The following BEGAIN variants were observed in gnomAD, a reference collection of about 807,000 sequenced individuals.
BEGAIN encodes the protein brain-enriched guanylate kinase-associated protein.
In BEGAIN, 19 loss-of-function variants were observed where a neutral mutation model predicts 35.8. That is an observed-to-expected ratio of 0.53 (90% CI 0.37 to 0.78). The LOEUF (loss-of-function observed/expected upper bound fraction) is 0.78. Ranked by LOEUF, BEGAIN falls within the 30% of genes least tolerant of loss-of-function variation. The pLI is 0.00. For missense variants in BEGAIN, 795 were observed against 853.6 expected (o/e 0.93, Z 0.85); for synonymous variants, 462 against 388.6 (o/e 1.19, Z -2.22).
chr14:100,569,007 C>T (rs993146100), intron 1 of BEGAIN: 1 of 937,324 alleles, frequency 1.1e-6, no homozygotes. Context: ...CCTCCCCCAC[C>T]GCCCCGCCGG....
chr14:100,581,487 G>C (rs928774301), intron 1 of BEGAIN, among the ~76,000 whole-genome samples: 1 of 152,170 alleles, frequency 6.6e-6, no homozygotes, highest in Non-Finnish European at 1.5e-5. Flanking sequence ...CGCAGCCCCT[G>C]CCTCTTGACT....
In BEGAIN at chr14:100,538,621, G is replaced by A; in HGVS notation, c.1187C>T (p.Ala396Val). ...AGAGGCCGGGAAGCGGAAGGTCTCG[G>A]CCGGGTACGGTGACATGGTCCGCCC... ...GFGRTMSPYP[A>V]ETFRFPASPG... Residue 396 changes from alanine to valine, a missense_variant, in exon 7 of 7, where the codon GCC (alanine) becomes GTC (valine). Ala to Val is a moderately conservative substitution (Grantham distance 64). Transcript: ENST00000554140. The A allele has an allele frequency of 1.3e-6, 2 of 1,549,092 alleles. No homozygotes were observed. Among genetic ancestry groups the A allele is most frequent in the Non-Finnish European group, 1.7e-6 (2 of 1,146,110 alleles).
intron 1 of BEGAIN, among the ~76,000 whole-genome samples, chr14:100,571,632 G>C (rs1443964718): frequency 6.6e-6 from 1 of 152,172 alleles, no homozygotes; most frequent in Non-Finnish European, 1.5e-5. Context: ...GCACACAGTA[G>C]GGCCTCCCCA....
chr14:100,570,215 T>A (rs2035033366), intron 1 of BEGAIN, among the ~76,000 whole-genome samples: 2 of 152,266 alleles, frequency 1.3e-5, no homozygotes, highest in South Asian at 4.1e-4. Context: ...CATTAATTAT[T>A]TACATTGAAT....
intron 2 of BEGAIN, among the ~76,000 whole-genome samples, chr14:100,552,614 A>T (rs1236959623): frequency 6.6e-6 from 1 of 152,306 alleles, no homozygotes. Flanking sequence ...CCCTGCTGAG[A>T]GGCCTGCCGA....
chr14:100,583,966 T>C (rs2139770429), intron 1 of BEGAIN, among the ~76,000 whole-genome samples: 1 of 152,352 alleles, frequency 6.6e-6, no homozygotes, highest in East Asian at 1.9e-4. Flanking sequence ...CCCAAAGTGC[T>C]GGGATTACAG....
At chr14:100,579,074 T>TA (rs1196721361) in intron 1 of BEGAIN, among the ~76,000 whole-genome samples, 1 of 152,208 alleles carries the variant, frequency 6.6e-6, no homozygotes, top group Admixed American at 6.5e-5. Context: ...TTGGTCAGGC[T>TA]AGTCTCGAAC....
chr14:100,584,157 C>G (rs530097159), intron 1 of BEGAIN, among the ~76,000 whole-genome samples: 22 of 152,342 alleles, frequency 1.4e-4, no homozygotes, highest in Admixed American at 5.2e-4. Context: ...GTGGGATGAC[C>G]AGGCTTCCAT....
chr14:100,537,870 G>T lies in BEGAIN; in HGVS notation c.*99C>A, dbSNP rs1029584686. ...GAACAGACTCCTCGTTGTTGGCCGG[G>T]GCAGGGGAACAGCGGGGGCTGGGGA... On this transcript the variant is annotated 3_prime_UTR_variant, in exon 7 of 7. Transcript: ENST00000554140. 6.2e-6 allele frequency: 9 copies of T among 1,452,628 alleles called. No homozygotes were observed. In the South Asian group the frequency reaches 1.2e-4, roughly 20 times the overall value. The allele number at this position is 1,452,628 out of a possible 1,614,324, so 90.0% of individuals were successfully genotyped here. A position where few individuals can be genotyped will look rare whatever the true frequency, so the allele number is the denominator to read the frequency against.
chr14:100,567,768 C>T lies in BEGAIN; in HGVS notation c.71+143G>A. On this transcript the variant is annotated intron_variant, in intron 2 of 6. Coordinates refer to ENST00000554140, the MANE Select transcript of BEGAIN (RefSeq NM_001385089.1). The surrounding 1 kb of genome is among the most constrained non-coding windows in gnomAD (Gnocchi z 5.1). ...GGCGCGCACACACGCACCACACACA[C>T]GCACCTGGCCCGCAGCCCCGCCGAG... is the stretch of plus-strand genomic sequence containing the variant. 1 of 732,394 alleles carries T rather than the reference C, an allele frequency of 1.4e-6. No homozygotes were observed. Among genetic ancestry groups the T allele is most frequent in the Non-Finnish European group, 1.9e-6 (1 of 531,812 alleles). 45.4% of individuals were successfully genotyped at this position (732,394 alleles called of 1,614,324 possible). A position where few individuals can be genotyped will look rare whatever the true frequency, so the allele number is the denominator to read the frequency against.
At chr14:100,544,075 C>T in intron 4 of BEGAIN, 110 bp from the exon 5 acceptor site, 2 of 745,220 alleles carry the variant, frequency 2.7e-6, no homozygotes, top group Non-Finnish European at 4.5e-6. Context: ...AGTGACAAGA[C>T]ACTTAGAGGG....
intron 2 of BEGAIN, 101 bp from the exon 3 acceptor site, chr14:100,546,763 GGCGC>G (rs145452191): frequency 0.029 from 21,481 of 742,412 alleles, 1,009 homozygotes; most frequent in African/African-American, 0.12. Context: ...CGCGAGTACC[GGCGC>G]GCGCGCGCGC....
In BEGAIN at chr14:100,563,296, A is replaced by G. The variant is rs1301646466; in HGVS notation, c.71+4615T>C. 6.6e-6 allele frequency among the ~76,000 whole-genome samples: 1 copy of G among 152,242 alleles called. No individual in the cohort carries two copies. Among genetic ancestry groups the G allele is most frequent in the African/African-American group, 2.4e-5 (1 of 41,462 alleles). ...TGACCTCTAACCACATGCAAACCCAAGTTCAAGTGGATGAAAAGCCAATAG... is the reference window on the plus strand; with the variant it reads ...TGACCTCTAACCACATGCAAACCCAGGTTCAAGTGGATGAAAAGCCAATAG... On this transcript the variant is annotated intron_variant, in intron 2 of 6. Coordinates refer to ENST00000554140, the MANE Select transcript of BEGAIN (RefSeq NM_001385089.1). The surrounding 1 kb of genome is among the most constrained non-coding windows in gnomAD (Gnocchi z 4.2).
chr14:100,546,677 C>T lies in BEGAIN; in HGVS notation c.72-15G>A, dbSNP rs768145565. 2.2e-5 allele frequency: 34 copies of T among 1,540,182 alleles called. No individual in the cohort carries two copies. The highest frequency in any genetic ancestry group is 7.1e-5 in the African/African-American group (5 of 70,188). ...CCTGCAGCGCGCTGCAACGACATGGCGGCGGCGGGCCGGGCCGCGGCGCTG... is the reference window on the plus strand; with the variant it reads ...CCTGCAGCGCGCTGCAACGACATGGTGGCGGCGGGCCGGGCCGCGGCGCTG... On this transcript the variant is annotated splice_polypyrimidine_tract_variant and intron_variant, in intron 2 of 6. Coordinates refer to ENST00000554140, the MANE Select transcript of BEGAIN (RefSeq NM_001385089.1).
At position 100,558,648 on chromosome 14, in the gene BEGAIN, C is replaced by T. The variant is rs556208442; in HGVS notation, c.71+9263G>A. Among the ~76,000 whole-genome samples the T allele has an allele frequency of 6.6e-6, 1 of 152,302 alleles. No individual in the cohort carries two copies. The highest frequency in any genetic ancestry group is 2.1e-4 in the South Asian group (1 of 4,824). ...TCGCCCCTACAAATCCACAGCCTAC[C>T]CCCACACCCTGCAGCAAGACAAGTC... On this transcript the variant is annotated intron_variant, in intron 2 of 6. Coordinates refer to ENST00000554140, the MANE Select transcript of BEGAIN (RefSeq NM_001385089.1). The surrounding 1 kb of genome is among the most constrained non-coding windows in gnomAD (Gnocchi z 4.6).
intron 1 of BEGAIN, chr14:100,569,340 C>T (rs1241668709): frequency 6.6e-6 from 1 of 152,266 alleles, no homozygotes; most frequent in East Asian, 1.9e-4. Context: ...CCTCCATAAA[C>T]CCTCCTCCTG....
chr14:100,544,083 G>A (rs1472740771), intron 4 of BEGAIN, 118 bp from the exon 5 acceptor site: 1 of 695,154 alleles, frequency 1.4e-6, no homozygotes, highest in Non-Finnish European at 2.5e-6. Context: ...GACACTTAGA[G>A]GGCCAAGGGT....
At chr14:100,540,031 G>A (rs1049174901) in intron 6 of BEGAIN, 1 of 163,614 alleles carries the variant, frequency 6.1e-6, no homozygotes, top group Non-Finnish European at 1.3e-5. Flanking sequence ...ATCTGCCCTT[G>A]GCATCAGACA....
intron 5 of BEGAIN, among the ~76,000 whole-genome samples, chr14:100,541,795 G>A (rs2031658983): frequency 2.0e-5 from 3 of 152,194 alleles, no homozygotes; most frequent in Admixed American, 6.5e-5. Context: ...TGTCTGAGGT[G>A]GCCAGCTCTG....
Sources: gnomAD v4.1 joint callset for allele counts (sites outside exome capture counted in the v4.1 genomes callset) on GRCh38, gnomAD v4.1.1 for gene constraint, Gnocchi (gnomAD v3.1) non-coding constraint, MANE v1.5 for transcripts, NCBI Gene and HGNC (gene_info 2026-07-23, HGNC 2026-07-21) for gene names.